SHC4: variants seen among roughly 807,000 people sequenced by gnomAD.
SHC4 encodes SHC adaptor protein 4, also known as SHC-transforming protein 4.
Under a neutral mutation model 69.4 loss-of-function variants are expected in SHC4, and 41 were observed. The ratio of observed to expected loss-of-function variants is 0.59; its 90% confidence interval spans 0.46 to 0.77. The LOEUF is 0.77. Ranked by LOEUF, SHC4 falls within the 30% of genes least tolerant of loss-of-function variation. SHC4 has a pLI of 0.00. For missense variants in SHC4, 777 were observed against 783.8 expected (o/e 0.99, Z 0.10); for synonymous variants, 318 against 299.3 (o/e 1.06, Z -0.64).
intron 1 of SHC4, among the ~76,000 whole-genome samples, chr15:48,932,039 C>A: frequency 6.6e-6 from 1 of 152,148 alleles, no homozygotes; most frequent in East Asian, 1.9e-4. Flanking sequence ...ATTCTTTATT[C>A]TGAGTTTTAT....
chr15:48,875,401 G>A (rs1899779482), intron 4 of SHC4, among the ~76,000 whole-genome samples: 1 of 152,234 alleles, frequency 6.6e-6, no homozygotes, highest in Non-Finnish European at 1.5e-5. Flanking sequence ...AAGCTAAGAA[G>A]TCCTTTACTA....
intron 2 of SHC4, among the ~76,000 whole-genome samples, chr15:48,920,007 C>T (rs1162922215): frequency 3.4e-5 from 5 of 148,246 alleles, no homozygotes; most frequent in Non-Finnish European, 3.0e-5. Context: ...TACAAGTTCA[C>T]GGAGTTTGTT....
intron 4 of SHC4, among the ~76,000 whole-genome samples, chr15:48,872,642 AT>A (rs985932879): frequency 6.6e-6 from 1 of 152,156 alleles, no homozygotes; most frequent in Non-Finnish European, 1.5e-5. Flanking sequence ...TAACCAATAT[AT>A]TTCACCCTCT....
chr15:48,834,762 A>G lies in SHC4; in HGVS notation c.1737+7T>C, dbSNP rs775260454. Reference sequence around the variant, plus strand: ...CTGTGAAACCTCTAATGAGAAGTCAATGATACCTTGCCTTCAGGATCCACC... The same window carrying G: ...CTGTGAAACCTCTAATGAGAAGTCAGTGATACCTTGCCTTCAGGATCCACC... On this transcript the variant is annotated splice_region_variant and intron_variant, in intron 11 of 11. Transcript: ENST00000332408. 6.2e-7 allele frequency: 1 copy of G among 1,613,846 alleles called. No individual in the cohort carries two copies. Among genetic ancestry groups the G allele is most frequent in the Non-Finnish European group, 8.5e-7 (1 of 1,179,822 alleles).
chr15:48,932,076 C>T (rs1487480914), intron 1 of SHC4, among the ~76,000 whole-genome samples: 1 of 152,046 alleles, frequency 6.6e-6, no homozygotes, highest in African/African-American at 2.4e-5. Context: ...GAATATGGCC[C>T]TCCCTAAGAT....
intron 1 of SHC4, among the ~76,000 whole-genome samples, chr15:48,936,730 G>C (rs952701226): frequency 1.1e-4 from 17 of 152,220 alleles, no homozygotes; most frequent in African/African-American, 4.1e-4. Context: ...TAATACACTG[G>C]GAAATGAGCT....
intron 6 of SHC4, among the ~76,000 whole-genome samples, chr15:48,867,003 GT>G (rs1899573605): frequency 1.3e-5 from 2 of 152,202 alleles, no homozygotes; most frequent in African/African-American, 4.8e-5. Context: ...CAATAAAATA[GT>G]TTTTGAGTAT....
At chr15:48,898,590 G>C (rs1900264247) in intron 2 of SHC4, among the ~76,000 whole-genome samples, 1 of 152,208 alleles carries the variant, frequency 6.6e-6, no homozygotes, top group Admixed American at 6.5e-5. Flanking sequence ...GGGTTTGTCT[G>C]TCTACTTCGT....
chr15:48,851,095 T>C, intron 9 of SHC4, 93 bp downstream of exon 9: 1 of 1,250,088 alleles, frequency 8.0e-7, no homozygotes, highest in Non-Finnish European at 1.1e-6. Context: ...TACCTGACTT[T>C]TCAATGAAGT....
Position 48,834,823 on chromosome 15 carries a change from A to C in SHC4, c.1683T>G (p.Ser561Arg). 1 of 1,614,120 alleles carries C rather than the reference A, an allele frequency of 6.2e-7. No homozygotes were observed. Among genetic ancestry groups the C allele is most frequent in the Non-Finnish European group, 8.5e-7 (1 of 1,180,008 alleles). ...SATSPGQYVL[S>R]GLQGGQAKHL... ...GTTTTGCTTGGCCTCCCTGTAGTCC[A>C]CTCAGCACATATTGGCCAGGGGATG... Residue 561 changes from serine (S) to arginine (R), a missense_variant, in exon 11 of 12, where the codon AGT becomes AGG. Ser to Arg is a moderately radical substitution (Grantham distance 110). Coordinates refer to ENST00000332408, the MANE Select transcript of SHC4 (RefSeq NM_203349.4).
intron 2 of SHC4, among the ~76,000 whole-genome samples, chr15:48,913,318 G>A (rs1434179190): frequency 6.6e-6 from 1 of 152,006 alleles, no homozygotes; most frequent in Non-Finnish European, 1.5e-5. Context: ...CTGGAGCTGT[G>A]TACCTAGAAG....
chr15:48,897,345 A>C (rs910111703), intron 2 of SHC4, among the ~76,000 whole-genome samples: 1 of 152,214 alleles, frequency 6.6e-6, no homozygotes, highest in African/African-American at 2.4e-5. Context: ...TGCCTACGCC[A>C]TAAGACCAAA....
At chr15:48,960,333 T>C (rs904307575) in intron 1 of SHC4, among the ~76,000 whole-genome samples, 1 of 152,122 alleles carries the variant, frequency 6.6e-6, no homozygotes, top group African/African-American at 2.4e-5. Flanking sequence ...AGAGGATGTG[T>C]AGGTGATGGT....
intron 1 of SHC4, among the ~76,000 whole-genome samples, chr15:48,930,831 G>A (rs556195731): frequency 2.6e-5 from 4 of 152,152 alleles, no homozygotes; most frequent in African/African-American, 9.6e-5. Flanking sequence ...AAAAAAAATG[G>A]GAGAGTAAGA....
At chr15:48,885,319 A>T (rs149358877) in intron 3 of SHC4, among the ~76,000 whole-genome samples, 1 of 149,888 alleles carries the variant, frequency 6.7e-6, no homozygotes, top group Non-Finnish European at 1.5e-5. Flanking sequence ...AATTCCTTTT[A>T]TATAAAATGT....
chr15:48,878,537 G>T (rs1387681780), intron 4 of SHC4: 1 of 1,613,938 alleles, frequency 6.2e-7, no homozygotes, highest in Non-Finnish European at 8.5e-7. Context: ...CAGTGGTGCC[G>T]GCTACAGAGT....
At chr15:48,853,601 A>G (rs1435531656) in intron 8 of SHC4, among the ~76,000 whole-genome samples, 3 of 152,236 alleles carry the variant, frequency 2.0e-5, no homozygotes, top group African/African-American at 4.8e-5. Context: ...CTATAAGGCT[A>G]CAGTAACCAA....
chr15:48,931,214 C>T (rs912663255), intron 1 of SHC4, among the ~76,000 whole-genome samples: 1 of 152,190 alleles, frequency 6.6e-6, no homozygotes, highest in African/African-American at 2.4e-5. Flanking sequence ...TCAACCCTGA[C>T]TGCATATTAG....
At chr15:48,896,234 C>T (rs1189158949) in intron 2 of SHC4, among the ~76,000 whole-genome samples, 1 of 143,348 alleles carries the variant, frequency 7.0e-6, no homozygotes, top group Non-Finnish European at 1.5e-5. Flanking sequence ...CTCCCTCCCT[C>T]CCTCCCTCTC....
Sources: allele counts gnomAD v4.1 joint callset (sites outside exome capture counted in the v4.1 genomes callset), GRCh38; gene constraint gnomAD v4.1.1; transcripts MANE v1.5; gene names NCBI Gene and HGNC (gene_info 2026-07-23, HGNC 2026-07-21).